CSMD3: variants seen among roughly 807,000 people sequenced by gnomAD.
The protein encoded by CSMD3 is CUB and sushi domain-containing protein 3.
CSMD3 carries 177 observed loss-of-function variants against 435.2 expected under a neutral mutation model. The ratio of observed to expected loss-of-function variants is 0.41; its 90% confidence interval spans 0.36 to 0.46. CSMD3 has a LOEUF of 0.46. Among genes scored for constraint, CSMD3 ranks in the 20% least tolerant of loss-of-function variants. CSMD3 has a pLI of 0.34. For missense variants in CSMD3, 4,265 were observed against 4,504.6 expected, an observed-to-expected ratio of 0.95 and a Z score of 1.52; for synonymous variants, 1,656 against 1,520.5, an observed-to-expected ratio of 1.09 and a Z score of -2.07.
Position 112,682,149 on chromosome 8 carries a change from A to G in CSMD3, c.2677+293T>C, listed in dbSNP as rs936520621. 2.9e-4 allele frequency among the ~76,000 whole-genome samples: 44 copies of G among 152,126 alleles called. 1 individual carries two copies. The highest frequency in any genetic ancestry group is 1.0e-3 in the African/African-American group (42 of 41,440). ...CTATAAAGTGTATTAAACTATAACT[A>G]GGAAGTATACTATAGAGAGTTTACA... On this transcript the variant is annotated intron_variant, in intron 16 of 70. Transcript: ENST00000297405.
chr8:113,070,215 C>T (rs910599905), intron 5 of CSMD3, among the ~76,000 whole-genome samples: 6 of 152,046 alleles, frequency 3.9e-5, no homozygotes, highest in African/African-American at 1.4e-4. Flanking sequence ...TCCAAGAGGG[C>T]AAAATCAGTG....
chr8:112,752,837 T>A (rs2077601864), intron 13 of CSMD3, among the ~76,000 whole-genome samples: 2 of 152,202 alleles, frequency 1.3e-5, no homozygotes, highest in South Asian at 4.1e-4. Flanking sequence ...AGTTTATAAA[T>A]GTTTCCTATA....
intron 10 of CSMD3, among the ~76,000 whole-genome samples, chr8:112,900,404 A>G (rs1329957942): frequency 6.6e-6 from 1 of 151,298 alleles, no homozygotes; most frequent in South Asian, 2.1e-4. Flanking sequence ...CAGGCATAAT[A>G]TAGTGCCTGC....
At chr8:113,171,349 T>A (rs2092264242) in intron 4 of CSMD3, among the ~76,000 whole-genome samples, 2 of 152,132 alleles carry the variant, frequency 1.3e-5, no homozygotes, top group Admixed American at 1.3e-4. Flanking sequence ...AGAATCAGTA[T>A]TCAGAATAAG....
chr8:113,207,951 G>C (rs567185355), intron 3 of CSMD3, among the ~76,000 whole-genome samples: 124 of 152,190 alleles, frequency 8.1e-4, no homozygotes, highest in Non-Finnish European at 1.3e-3. Flanking sequence ...TTGGCATACG[G>C]CCAATGATTA....
chr8:112,339,292 G>C (rs1824872179), intron 42 of CSMD3, among the ~76,000 whole-genome samples: 1 of 151,990 alleles, frequency 6.6e-6, no homozygotes, highest in Admixed American at 6.6e-5. Flanking sequence ...TTGCACAGGA[G>C]TGTGATCTTT....
chr8:112,611,946 T>C (rs866456401), intron 22 of CSMD3, among the ~76,000 whole-genome samples: 1 of 152,196 alleles, frequency 6.6e-6, no homozygotes, highest in Non-Finnish European at 1.5e-5. Flanking sequence ...GTCACTTTGC[T>C]ATTTGCTGGG....
chr8:112,610,627 AT>A (rs1195550306), intron 22 of CSMD3, among the ~76,000 whole-genome samples: 1 of 152,160 alleles, frequency 6.6e-6, no homozygotes, highest in African/African-American at 2.4e-5. Context: ...TTTACTAGTG[AT>A]TTTTGAGTTC....
At chr8:112,645,282 C>T in intron 19 of CSMD3, 57 bp from the exon 20 acceptor site, 1 of 925,374 alleles carries the variant, frequency 1.1e-6, no homozygotes, top group East Asian at 2.4e-5. Context: ...AGAGGGTGAA[C>T]AAATCTCTAT....
chr8:112,465,131 G>A (rs1000665115), intron 32 of CSMD3, among the ~76,000 whole-genome samples: 6 of 152,028 alleles, frequency 3.9e-5, no homozygotes, highest in African/African-American at 7.2e-5. Flanking sequence ...TTAGAGAAGG[G>A]GTGATTATCC....
intron 13 of CSMD3, among the ~76,000 whole-genome samples, chr8:112,766,621 C>G (rs1415237770): frequency 6.6e-6 from 1 of 151,808 alleles, no homozygotes; most frequent in Non-Finnish European, 1.5e-5. Context: ...AACTATAATT[C>G]AGTGGACAAT....
At chr8:113,356,810 C>T (rs1447730948) in intron 1 of CSMD3, among the ~76,000 whole-genome samples, 1 of 151,926 alleles carries the variant, frequency 6.6e-6, no homozygotes, top group East Asian at 1.9e-4. Context: ...TTAGGAGTTA[C>T]CTAAATGATG....
At chr8:112,588,132 C>T (rs1230169077) in intron 22 of CSMD3, among the ~76,000 whole-genome samples, 1 of 150,834 alleles carries the variant, frequency 6.6e-6, no homozygotes, top group East Asian at 1.9e-4. Flanking sequence ...TATTACCAAA[C>T]CATAGGGCAG....
intron 12 of CSMD3, among the ~76,000 whole-genome samples, chr8:112,826,770 G>A (rs73702232): frequency 0.013 from 2,005 of 152,174 alleles, 46 homozygotes; most frequent in African/African-American, 0.046. Flanking sequence ...TGGCCATACT[G>A]GCCCTGCCCC....
At chr8:112,378,399 C>T (rs1829158058) in intron 38 of CSMD3, among the ~76,000 whole-genome samples, 1 of 152,106 alleles carries the variant, frequency 6.6e-6, no homozygotes, top group South Asian at 2.1e-4. Context: ...TTCACAATAG[C>T]GAAGACACGG....
chr8:113,222,953 G>T (rs997500249), intron 3 of CSMD3, among the ~76,000 whole-genome samples: 1 of 150,882 alleles, frequency 6.6e-6, no homozygotes, highest in East Asian at 2.0e-4. Context: ...TCACATTCAG[G>T]TGGTTATTTA....
intron 16 of CSMD3, among the ~76,000 whole-genome samples, chr8:112,677,382 C>T (rs906131150): frequency 1.3e-4 from 20 of 150,072 alleles, no homozygotes; most frequent in African/African-American, 3.9e-4. Context: ...GAGAAGCCTT[C>T]TGTTTACTTC....
At chr8:113,150,824 G>T (rs955808824) in intron 4 of CSMD3, among the ~76,000 whole-genome samples, 3 of 151,904 alleles carry the variant, frequency 2.0e-5, no homozygotes, top group Non-Finnish European at 4.4e-5. Flanking sequence ...TAAAGAAGGG[G>T]AATAGTATTG....
At chr8:113,176,359 A>G (rs968169994) in intron 3 of CSMD3, among the ~76,000 whole-genome samples, 12 of 151,988 alleles carry the variant, frequency 7.9e-5, no homozygotes, top group African/African-American at 1.7e-4. Flanking sequence ...CATGGATTAT[A>G]TTTTTGTCTT....
Sources: allele counts gnomAD v4.1 joint callset (sites outside exome capture counted in the v4.1 genomes callset), GRCh38; gene constraint gnomAD v4.1.1; transcripts MANE v1.5; gene names NCBI Gene and HGNC (gene_info 2026-07-23, HGNC 2026-07-21).